CRTC3: variants seen among roughly 807,000 people sequenced by gnomAD.
CRTC3 encodes the protein CREB regulated transcription coactivator 3.
In CRTC3, 26 loss-of-function variants were observed where a neutral mutation model predicts 74.5. That is an observed-to-expected ratio of 0.35 (90% confidence interval 0.26 to 0.48). The LOEUF (loss-of-function observed/expected upper bound fraction) is 0.48. CRTC3 is among the 20% of genes least tolerant of loss of function. The pLI is 0.99. For synonymous variants in CRTC3, 377 were observed against 325.8 expected (o/e 1.16, Z -1.69); for missense variants, 760 against 787.3 (o/e 0.97, Z 0.41).
chr15:90,563,605 A>T (rs950244650), intron 2 of CRTC3, among the ~76,000 whole-genome samples: 8 of 152,170 alleles, frequency 5.3e-5, no homozygotes, highest in Non-Finnish European at 1.2e-4. Flanking sequence ...GTATTGCACT[A>T]CTTGCCCTGG....
intron 2 of CRTC3, among the ~76,000 whole-genome samples, chr15:90,583,744 G>C (rs145778907): frequency 7.8e-4 from 119 of 152,250 alleles, no homozygotes; most frequent in Non-Finnish European, 1.3e-3. Flanking sequence ...AGAGGGCAAA[G>C]GAAGAGTGTT....
At chr15:90,531,946 T>G (rs1370045635) in intron 1 of CRTC3, among the ~76,000 whole-genome samples, 1 of 152,216 alleles carries the variant, frequency 6.6e-6, no homozygotes, top group Non-Finnish European at 1.5e-5. Flanking sequence ...CCTCACTGTT[T>G]ACTTACTTTC....
In CRTC3 at chr15:90,629,529, C is replaced by T. The variant is rs1157830086; in HGVS notation, c.1263C>T (p.Ser421=). ...GCCCACTGGCCCCATATCCTACCTC[C>T]CAGGTAAACACACACAGACAGACCA... The part of the protein sequence containing the change: ...STSPLAPYPT[S]QMVSSDRSQL... The change falls in exon 11 of 15, where the codon TCC becomes TCT. Residue 421 remains serine, a synonymous_variant. Coordinates refer to ENST00000268184, the MANE Select transcript of CRTC3 (RefSeq NM_022769.5). The T allele has an allele frequency of 1.2e-6, 2 of 1,613,768 alleles. No individual in the cohort carries two copies. Among genetic ancestry groups the T allele is most frequent in the African/African-American group, 2.7e-5 (2 of 74,914 alleles).
Position 90,630,755 on chromosome 15 carries a change from C to CTTT in CRTC3, c.1266+1223_1266+1224insTTT, listed in dbSNP as rs1290271902. On this transcript the variant is annotated intron_variant, in intron 11 of 14. Coordinates refer to ENST00000268184, the MANE Select transcript of CRTC3 (RefSeq NM_022769.5). Reference sequence around the variant, plus strand: ...TCACATCCTCTGTCTATTACAGCATCATTTTTTTTTTTTTTTTTTTTTTTT... The same window carrying CTTT: ...TCACATCCTCTGTCTATTACAGCATCTTTATTTTTTTTTTTTTTTTTTTTTTTT... Among the ~76,000 whole-genome samples, 122 of 37,504 alleles carry CTTT rather than the reference C, an allele frequency of 3.3e-3. 17 individuals carry two copies. The highest frequency in any genetic ancestry group is 7.9e-3 in the African/African-American group (103 of 13,082). 24.6% of individuals were successfully genotyped at this position (37,504 alleles called of 152,430 possible). A position where few individuals can be genotyped will look rare whatever the true frequency, so the allele number is the denominator to read the frequency against.
At chr15:90,532,999 C>T (rs775514520) in intron 1 of CRTC3, among the ~76,000 whole-genome samples, 22 of 124,508 alleles carry the variant, frequency 1.8e-4, no homozygotes, top group Middle Eastern at 6.8e-3. Flanking sequence ...GCAGGAGAAT[C>T]GCTCGAACCC....
At chr15:90,592,881 T>C (rs1967834243) in intron 2 of CRTC3, among the ~76,000 whole-genome samples, 1 of 152,172 alleles carries the variant, frequency 6.6e-6, no homozygotes, top group African/African-American at 2.4e-5. Context: ...GTGGGTGCGG[T>C]GGCTCACATG....
chr15:90,636,178 A>G (rs1436184399), intron 11 of CRTC3, among the ~76,000 whole-genome samples: 1 of 151,124 alleles, frequency 6.6e-6, no homozygotes, highest in Non-Finnish European at 1.5e-5. Context: ...TACAGTAACC[A>G]AAACAGCATG....
chr15:90,579,186 G>A (rs1384794383), intron 2 of CRTC3, among the ~76,000 whole-genome samples: 3 of 152,174 alleles, frequency 2.0e-5, no homozygotes, highest in Admixed American at 2.0e-4. Flanking sequence ...TAATTTGGAG[G>A]TGATTTATAG....
chr15:90,622,852 A>G (rs1968700824), intron 9 of CRTC3, among the ~76,000 whole-genome samples: 2 of 151,340 alleles, frequency 1.3e-5, no homozygotes, highest in South Asian at 2.1e-4. Flanking sequence ...CTCTGTCTCA[A>G]AAAAACACAA....
chr15:90,614,381 G>T, intron 6 of CRTC3, 72 bp from the exon 7 acceptor site: 1 of 1,112,798 alleles, frequency 9.0e-7, no homozygotes, highest in South Asian at 1.4e-5. Flanking sequence ...AAGAGTTACT[G>T]ATTCATAAAT....
intron 2 of CRTC3, among the ~76,000 whole-genome samples, chr15:90,586,993 A>G (rs1291891711): frequency 1.3e-5 from 2 of 152,380 alleles, no homozygotes; most frequent in East Asian, 1.9e-4. Flanking sequence ...ATGGTTTACC[A>G]GTCAAGTAAG....
chr15:90,611,953 G>A (rs1215570059), intron 6 of CRTC3, among the ~76,000 whole-genome samples: 1 of 151,232 alleles, frequency 6.6e-6, no homozygotes, highest in Non-Finnish European at 1.5e-5. Context: ...CCATCTCCCA[G>A]TCCTCCCACC....
intron 2 of CRTC3, among the ~76,000 whole-genome samples, chr15:90,576,850 C>T (rs1182974391): frequency 6.6e-6 from 1 of 150,870 alleles, no homozygotes; most frequent in Non-Finnish European, 1.5e-5. Context: ...GGGCTGAGGT[C>T]TGTGGGAGTT....
intron 2 of CRTC3, among the ~76,000 whole-genome samples, chr15:90,564,605 T>A (rs902765638): frequency 1.3e-5 from 2 of 152,234 alleles, no homozygotes; most frequent in African/African-American, 2.4e-5. Context: ...GCTTCTCATC[T>A]GCTTTTACTA....
chr15:90,581,111 G>C (rs1030441084), intron 2 of CRTC3, among the ~76,000 whole-genome samples: 4 of 152,118 alleles, frequency 2.6e-5, no homozygotes, highest in Non-Finnish European at 5.9e-5. Context: ...CCCATCTTCA[G>C]AGGGGTCTGG....
intron 1 of CRTC3, among the ~76,000 whole-genome samples, chr15:90,535,188 A>G (rs1490728213): frequency 1.3e-5 from 2 of 151,754 alleles, no homozygotes; most frequent in Non-Finnish European, 1.5e-5. Flanking sequence ...AAAGAAAGTG[A>G]ACCATGAGGA....
At chr15:90,584,008 C>A (rs1299103255) in intron 2 of CRTC3, among the ~76,000 whole-genome samples, 2 of 151,946 alleles carry the variant, frequency 1.3e-5, no homozygotes, top group Non-Finnish European at 2.9e-5. Context: ...CACGACTCCC[C>A]CACTTGTCAT....
At chr15:90,543,386 T>A (rs1806789126) in intron 2 of CRTC3, among the ~76,000 whole-genome samples, 1 of 152,018 alleles carries the variant, frequency 6.6e-6, no homozygotes, top group African/African-American at 2.4e-5. Flanking sequence ...AATAAATATT[T>A]TGCGAGGAGA....
chr15:90,627,356 C>T (rs139363175), intron 10 of CRTC3, among the ~76,000 whole-genome samples: 317 of 152,272 alleles, frequency 2.1e-3, no homozygotes, highest in African/African-American at 7.4e-3. Context: ...ACAGGAGAAA[C>T]TCTCGAAACC....
Sources: allele counts gnomAD v4.1 joint callset (sites outside exome capture counted in the v4.1 genomes callset), GRCh38; gene constraint gnomAD v4.1.1; transcripts MANE v1.5; gene names NCBI Gene and HGNC (gene_info 2026-07-23, HGNC 2026-07-21).